Variants in ZC3H13 observed in about 807,000 individuals in gnomAD.
ZC3H13 encodes the protein zinc finger CCCH-type containing 13, also known as zinc finger CCCH domain-containing protein 13.
A neutral mutation model predicts 204.1 loss-of-function variants in ZC3H13; 64 were observed. The ratio of observed to expected loss-of-function variants is 0.31; its 90% confidence interval spans 0.26 to 0.39. The LOEUF is 0.39. Among genes scored for constraint, ZC3H13 ranks in the 10% least tolerant of loss-of-function variants. ZC3H13 has a pLI of 1.00. For synonymous variants in ZC3H13, 667 were observed against 693.7 expected, an observed-to-expected ratio of 0.96 and a Z score of 0.60; for missense variants, 1,833 against 2,082.7, an observed-to-expected ratio of 0.88 and a Z score of 2.33.
In ZC3H13 at chr13:45,968,829, T is replaced by C; in HGVS notation, c.3715A>G (p.Lys1239Glu). 1 of 1,614,028 alleles carries C rather than the reference T, an allele frequency of 6.2e-7. No individual in the cohort carries two copies. Among genetic ancestry groups the C allele is most frequent in the Non-Finnish European group, 8.5e-7 (1 of 1,179,972 alleles). ...CTCTCTCCTGTGATTTCCAGGCTTTTTGTTTTTTCTCTATCTCTTGAGCCA... is the reference window on the plus strand; with the variant it reads ...CTCTCTCCTGTGATTTCCAGGCTTTCTGTTTTTTCTCTATCTCTTGAGCCA... ...HSGSRDREKT[K>E]SLEITGERKS... The change falls in exon 14 of 19, where the codon AAA becomes GAA. Residue 1239 changes from lysine to glutamate, a missense_variant. Lys to Glu is a moderately conservative substitution (Grantham distance 56, BLOSUM62 1). Around this residue, in one of 5 missense-constraint regions of ZC3H13, gnomAD observed 1,574 missense variants for 1,757.2 expected, o/e 0.90. Coordinates refer to ENST00000679008, the MANE Select transcript of ZC3H13 (RefSeq NM_001330564.2).
At chr13:46,048,337 G>A (rs1000286118) in intron 1 of ZC3H13, among the ~76,000 whole-genome samples, 36 of 152,044 alleles carry the variant, frequency 2.4e-4, no homozygotes, top group Non-Finnish European at 1.5e-4. Flanking sequence ...CAGCACTTTG[G>A]GAGGCCGAGG....
intron 8 of ZC3H13, among the ~76,000 whole-genome samples, chr13:45,992,596 C>T (rs1688456540): frequency 6.6e-6 from 1 of 152,112 alleles, no homozygotes; most frequent in Non-Finnish European, 1.5e-5. Context: ...TCTGATTTTT[C>T]ACAAAAAAAT....
Position 45,984,349 on chromosome 13 carries a change from C to T in ZC3H13, c.1720+948G>A, listed in dbSNP as rs562632756. Among the ~76,000 whole-genome samples the T allele has an allele frequency of 3.9e-5, 6 of 151,916 alleles. No homozygotes were observed. In the East Asian group the frequency reaches 1.2e-3, roughly 29 times the overall value. On this transcript the variant is annotated intron_variant, in intron 10 of 18. Transcript: ENST00000679008. Reference sequence around the variant, plus strand: ...TTCACTATATATCCTTTTATACATTCAAAATTTTGAACCATGTAAATACAT... The same window carrying T: ...TTCACTATATATCCTTTTATACATTTAAAATTTTGAACCATGTAAATACAT...
chr13:46,039,797 G>A (rs567335852), intron 4 of ZC3H13, among the ~76,000 whole-genome samples: 9 of 152,194 alleles, frequency 5.9e-5, no homozygotes, highest in African/African-American at 1.4e-4. Context: ...TATACATAAC[G>A]GGAACACTGT....
chr13:46,048,408 T>C (rs1471258756), intron 1 of ZC3H13, among the ~76,000 whole-genome samples: 1 of 151,500 alleles, frequency 6.6e-6, no homozygotes, highest in Non-Finnish European at 1.5e-5. Flanking sequence ...AAACCCTGTC[T>C]CTACTAAAAA....
chr13:46,033,966 A>T (rs988952289), intron 4 of ZC3H13, among the ~76,000 whole-genome samples: 6 of 152,166 alleles, frequency 3.9e-5, no homozygotes, highest in Non-Finnish European at 1.5e-5. Context: ...TGGTAATAGG[A>T]CAAAGAGCCT....
At chr13:46,033,164 G>GA (rs2043004063) in intron 4 of ZC3H13, among the ~76,000 whole-genome samples, 1 of 151,842 alleles carries the variant, frequency 6.6e-6, no homozygotes, top group Non-Finnish European at 1.5e-5. Context: ...ATTAGAAAAT[G>GA]AAAGAAAAAA....
chr13:45,969,260 G>A lies in ZC3H13; in HGVS notation c.3284C>T (p.Ser1095Phe), dbSNP rs1952369044. 1 of 1,614,040 alleles carries A rather than the reference G, an allele frequency of 6.2e-7. No individual in the cohort carries two copies. Among genetic ancestry groups the A allele is most frequent in the Non-Finnish European group, 8.5e-7 (1 of 1,180,032 alleles). The change falls in exon 14 of 19, where the codon TCT becomes TTT. Residue 1095 changes from serine to phenylalanine, a missense_variant. Coordinates refer to ENST00000679008, the MANE Select transcript of ZC3H13 (RefSeq NM_001330564.2). ...ATATTPGSTP[S>F]PLSSLLPPPP... ...AGGAGGAAGAAGAGAAGATAGAGGAGAAGGGGTACTACCAGGAGTCGTGGC... is the reference window on the plus strand; with the variant it reads ...AGGAGGAAGAAGAGAAGATAGAGGAAAAGGGGTACTACCAGGAGTCGTGGC...
At position 45,964,025 on chromosome 13, in the gene ZC3H13, C is replaced by G; in HGVS notation, c.4492G>C (p.Asp1498His). The change falls in exon 17 of 19, where the codon GAT becomes CAT. Residue 1498 changes from aspartate to histidine, a missense_variant. By Grantham distance (81) the Asp-to-His change is moderately conservative (BLOSUM62 -1). Around this residue, in one of 5 missense-constraint regions of ZC3H13, gnomAD observed 211 missense variants for 228.4 expected, o/e 0.92. Transcript: ENST00000679008. Reference sequence around the variant, plus strand: ...GGCATAAGACCAGACCAATCCACATCTATCACATCTAAGGGATCTGTAAAA... The same window carrying G: ...GGCATAAGACCAGACCAATCCACATGTATCACATCTAAGGGATCTGTAAAA... ...EKMPDPLDVI[D>H]VDWSGLMPKH... 6.2e-7 allele frequency: 1 copy of G among 1,613,708 alleles called. No individual in the cohort carries two copies. The highest frequency in any genetic ancestry group is 8.5e-7 in the Non-Finnish European group (1 of 1,179,914).
intron 17 of ZC3H13, among the ~76,000 whole-genome samples, 151 bp from the exon 18 acceptor site, chr13:45,959,797 G>A (rs1219376231): frequency 3.3e-5 from 5 of 152,122 alleles, no homozygotes; most frequent in Non-Finnish European, 7.4e-5. Flanking sequence ...TATTCTCTGT[G>A]AAGCACCTTC....
At chr13:46,043,157 C>A (rs80288030) in intron 3 of ZC3H13, among the ~76,000 whole-genome samples, 2 of 151,878 alleles carry the variant, frequency 1.3e-5, no homozygotes, top group African/African-American at 4.8e-5. Flanking sequence ...TCCTCTTTGA[C>A]TACCAAAAAG....
At chr13:46,017,446 A>G (rs2041977966) in intron 5 of ZC3H13, among the ~76,000 whole-genome samples, 1 of 152,170 alleles carries the variant, frequency 6.6e-6, no homozygotes, top group Non-Finnish European at 1.5e-5. Context: ...TAAGCCAGAT[A>G]TTAAAACAAT....
intron 4 of ZC3H13, among the ~76,000 whole-genome samples, chr13:46,039,173 G>C (rs1294301438): frequency 6.6e-6 from 1 of 152,060 alleles, no homozygotes; most frequent in Admixed American, 6.6e-5. Context: ...GTGCCTTTGA[G>C]GGCTTTCTCA....
intron 18 of ZC3H13, among the ~76,000 whole-genome samples, chr13:45,958,307 GC>G (rs1275574064): frequency 3.3e-5 from 5 of 152,002 alleles, no homozygotes; most frequent in Non-Finnish European, 7.4e-5. Flanking sequence ...TTTCCTAACT[GC>G]CCCAAGTAAA....
chr13:46,051,377 A>G (rs2044403115), intron 1 of ZC3H13, among the ~76,000 whole-genome samples: 1 of 152,208 alleles, frequency 6.6e-6, no homozygotes, highest in African/African-American at 2.4e-5. Flanking sequence ...CGCAATTGTT[A>G]CAAGCTTGCA....
intron 4 of ZC3H13, among the ~76,000 whole-genome samples, chr13:46,029,068 A>G (rs534286822): frequency 2.5e-4 from 38 of 152,292 alleles, no homozygotes; most frequent in Middle Eastern, 3.4e-3. Flanking sequence ...AGGCTAATTA[A>G]GAAAAAAAGA....
In ZC3H13 at chr13:46,010,420, G is replaced by A. The variant is rs750376856; in HGVS notation, c.674C>T (p.Pro225Leu). 1.9e-6 allele frequency: 3 copies of A among 1,613,692 alleles called. No individual in the cohort carries two copies. The highest frequency in any genetic ancestry group is 1.3e-5 in the African/African-American group (1 of 74,996). The change falls in exon 7 of 19, where the codon CCG becomes CTG. Residue 225 changes from proline (P) to leucine (L), a missense_variant. Around this residue, in one of 5 missense-constraint regions of ZC3H13, gnomAD observed 1,574 missense variants for 1,757.2 expected, o/e 0.90. Transcript: ENST00000679008. ...SSKSPKRKSS[P>L]KSSSASKKDR... is the part of the protein sequence containing the mutation. The stretch of plus-strand genomic sequence containing the variant: ...TTTCTTGCTAGCTGAAGACGACTTC[G>A]GGCTTGATTTTCGCTTCGGAGATTT...
chr13:45,990,424 A>T (rs951085129), intron 8 of ZC3H13, among the ~76,000 whole-genome samples: 14 of 152,218 alleles, frequency 9.2e-5, no homozygotes, highest in Admixed American at 2.6e-4. Context: ...ATATGCAGAA[A>T]AGAATTTAGG....
intron 10 of ZC3H13, 33 bp from the exon 11 acceptor site, chr13:45,980,037 A>G: frequency 6.5e-7 from 1 of 1,540,346 alleles, no homozygotes; most frequent in Non-Finnish European, 8.7e-7. Flanking sequence ...AATGTTTACC[A>G]CATACACTTT....
Sources: allele counts gnomAD v4.1 joint callset (sites outside exome capture counted in the v4.1 genomes callset), GRCh38; gene constraint gnomAD v4.1.1; regional missense constraint gnomAD v4.1.1; transcripts MANE v1.5; gene names NCBI Gene and HGNC (gene_info 2026-07-23, HGNC 2026-07-21).